SLCO3A1: variants seen among roughly 807,000 people sequenced by gnomAD.
SLCO3A1 encodes PGE1 transporter.
In SLCO3A1, 27 loss-of-function variants were observed where a neutral mutation model predicts 63.1. The observed-to-expected ratio is 0.43, with a 90% CI of 0.32 to 0.59. The LOEUF is 0.59. Among genes scored for constraint, SLCO3A1 ranks in the 20% least tolerant of loss-of-function variants. SLCO3A1 has a pLI of 0.09. For synonymous variants in SLCO3A1, 473 were observed against 409.9 expected, an observed-to-expected ratio of 1.15 and a Z score of -1.86; for missense variants, 773 against 945.8, an observed-to-expected ratio of 0.82 and a Z score of 2.40.
rs566934892 is a variant in SLCO3A1 at position 91,923,418 on chromosome 15, G to A, written c.646+6960G>A. Among the ~76,000 whole-genome samples the A allele has an allele frequency of 1.5e-4, 23 of 152,302 alleles. No individual in the cohort carries two copies. The South Asian group carries it at 1.7e-3, about 11-fold the overall frequency. On this transcript the variant is annotated intron_variant, in intron 2 of 9. Transcript: ENST00000318445. ...TTCAGTCCTGAATTAAACCAGCAGCGCTCTTCTTTTCCTGAAGACCCCCTC... is the reference window on the plus strand; with the variant it reads ...TTCAGTCCTGAATTAAACCAGCAGCACTCTTCTTTTCCTGAAGACCCCCTC...
In SLCO3A1 at chr15:91,954,714, G is replaced by C. The variant is rs1027060098; in HGVS notation, c.646+38256G>C. ...CTGTGGTTAGAGCCCAATGAGTGAG[G>C]GGGGTAAAGATGGGGAGAGGGGTTG... On this transcript the variant is annotated intron_variant, in intron 2 of 9. Coordinates refer to ENST00000318445, the MANE Select transcript of SLCO3A1 (RefSeq NM_013272.4). This position sits in a 1 kb window ranked among gnomAD's most constrained non-coding sequence, Gnocchi z 4.7. Among the ~76,000 whole-genome samples the C allele has an allele frequency of 6.6e-6, 1 of 152,040 alleles. No individual in the cohort carries two copies. The highest frequency in any genetic ancestry group is 1.9e-4 in the East Asian group (1 of 5,174).
At chr15:91,987,505 C>A (rs924689412) in intron 2 of SLCO3A1, among the ~76,000 whole-genome samples, 13 of 151,946 alleles carry the variant, frequency 8.6e-5, no homozygotes, top group African/African-American at 3.1e-4. Flanking sequence ...ACTTTGGGAG[C>A]CTGAGGCAGG....
chr15:92,025,620 A>T (rs1195251827), intron 2 of SLCO3A1, among the ~76,000 whole-genome samples: 3 of 152,194 alleles, frequency 2.0e-5, no homozygotes, highest in African/African-American at 7.2e-5. Context: ...ATCCTATTCC[A>T]CATGTGAGCA....
chr15:91,890,788 G>A (rs1010135832), intron 1 of SLCO3A1, among the ~76,000 whole-genome samples: 1 of 152,182 alleles, frequency 6.6e-6, no homozygotes, highest in Non-Finnish European at 1.5e-5. Flanking sequence ...GCCAATCCAG[G>A]TTGACCCTGG....
At chr15:91,979,109 T>G (rs2151434923) in intron 2 of SLCO3A1, among the ~76,000 whole-genome samples, 1 of 152,364 alleles carries the variant, frequency 6.6e-6, no homozygotes, top group Non-Finnish European at 1.5e-5. Flanking sequence ...TAATGCAGTT[T>G]TCATCATTAA....
intron 1 of SLCO3A1, among the ~76,000 whole-genome samples, chr15:91,887,518 A>G (rs1400477980): frequency 6.6e-6 from 1 of 152,110 alleles, no homozygotes; most frequent in Non-Finnish European, 1.5e-5. Context: ...GACCCAAACA[A>G]TGCTCATTTT....
In SLCO3A1 at chr15:91,853,774, G is replaced by A. The variant is rs1896836366; in HGVS notation, c.-135G>A. The A allele has an allele frequency of 2.1e-5, 19 of 894,364 alleles. No individual in the cohort carries two copies. Among genetic ancestry groups the A allele is most frequent in the Non-Finnish European group, 2.5e-5 (18 of 730,984 alleles). 55.4% of individuals were successfully genotyped at this position (894,364 alleles called of 1,614,324 possible). Reference sequence around the variant, plus strand: ...CCACCTCTCCAGCCCCGGCAGGACGGGGGCGGCCGCCGCGAACCCGGGGCG... The same window carrying A: ...CCACCTCTCCAGCCCCGGCAGGACGAGGGCGGCCGCCGCGAACCCGGGGCG... On this transcript the variant is annotated 5_prime_UTR_variant, in exon 1 of 10. Transcript: ENST00000318445.
At chr15:91,889,047 C>A (rs1897801909) in intron 1 of SLCO3A1, 20 of 632,118 alleles carry the variant, frequency 3.2e-5, no homozygotes, top group East Asian at 1.1e-4. Flanking sequence ...AAAAAAAAAC[C>A]TACAATTATT....
At chr15:92,003,320 C>T (rs982683611) in intron 2 of SLCO3A1, among the ~76,000 whole-genome samples, 9 of 152,232 alleles carry the variant, frequency 5.9e-5, no homozygotes, top group African/African-American at 2.2e-4. Flanking sequence ...AAATGACTTA[C>T]ACATGTCCTG....
At chr15:92,092,974 G>A (rs1596093702) in intron 2 of SLCO3A1, among the ~76,000 whole-genome samples, 2 of 152,118 alleles carry the variant, frequency 1.3e-5, no homozygotes, top group East Asian at 1.9e-4. Flanking sequence ...AGATTTCTTC[G>A]CATCCAAGTA....
At position 91,885,436 on chromosome 15, in the gene SLCO3A1, A is replaced by G. The variant is rs1385260459; in HGVS notation, c.181-30557A>G. On this transcript the variant is annotated intron_variant, in intron 1 of 9. Transcript: ENST00000318445. This position sits in a 1 kb window ranked among gnomAD's most constrained non-coding sequence, Gnocchi z 4.7. ...CTGCCCTAGCTCCTGTGTTTCAGGA[A>G]GAAGCCGGGCAGATGCCTCTTTGTT... is the stretch of plus-strand genomic sequence containing the variant. Among the ~76,000 whole-genome samples the G allele has an allele frequency of 6.6e-6, 1 of 152,214 alleles. No homozygotes were observed. Among genetic ancestry groups the G allele is most frequent in the Non-Finnish European group, 1.5e-5 (1 of 68,040 alleles).
At chr15:92,168,053 G>A (rs554645293), downstream of SLCO3A1, among the ~76,000 whole-genome samples, 1 of 152,334 alleles carries the variant, frequency 6.6e-6, no homozygotes, top group African/African-American at 2.4e-5. Context: ...AGATGCAAAA[G>A]TGGAAAAGTT....
At chr15:91,945,805 G>A (rs369118310) in intron 2 of SLCO3A1, among the ~76,000 whole-genome samples, 2 of 152,348 alleles carry the variant, frequency 1.3e-5, no homozygotes, top group African/African-American at 2.4e-5. Flanking sequence ...GGCGACTGAA[G>A]ATAACATGTC....
Position 91,950,053 on chromosome 15 carries a change from G to A in SLCO3A1, c.646+33595G>A, listed in dbSNP as rs565599282. Among the ~76,000 whole-genome samples the A allele has an allele frequency of 9.2e-5, 14 of 152,222 alleles. No individual in the cohort carries two copies. Among genetic ancestry groups the A allele is most frequent in the Middle Eastern group, 3.4e-3 (1 of 294 alleles). On this transcript the variant is annotated intron_variant, in intron 2 of 9. Transcript: ENST00000318445. The surrounding 1 kb of genome is among the most constrained non-coding windows in gnomAD (Gnocchi z 4.4). ...AGGCAGACTGTGATGGATTCTATAC[G>A]GAAGAGATAAATGCCCTGCTGTGGA...
chr15:92,034,889 C>T (rs534731968), intron 2 of SLCO3A1, among the ~76,000 whole-genome samples: 3 of 152,080 alleles, frequency 2.0e-5, no homozygotes, highest in East Asian at 3.9e-4. Flanking sequence ...AACTGTCATT[C>T]GCTGATTTCC....
At chr15:91,995,867 T>C (rs891362007) in intron 2 of SLCO3A1, among the ~76,000 whole-genome samples, 5 of 151,888 alleles carry the variant, frequency 3.3e-5, no homozygotes, top group African/African-American at 1.2e-4. Flanking sequence ...AATTTAGACA[T>C]AGAAGGTAAC....
intron 2 of SLCO3A1, among the ~76,000 whole-genome samples, chr15:92,066,417 A>G (rs1255158726): frequency 6.6e-6 from 1 of 152,252 alleles, no homozygotes; most frequent in Non-Finnish European, 1.5e-5. Context: ...ATATGCATCC[A>G]TAGGGTCTGG....
intron 1 of SLCO3A1, among the ~76,000 whole-genome samples, chr15:91,903,121 C>T (rs1479017000): frequency 6.6e-6 from 1 of 152,178 alleles, no homozygotes; most frequent in African/African-American, 2.4e-5. Context: ...CGCACGTAGT[C>T]AGCTCATTGG....
intron 2 of SLCO3A1, among the ~76,000 whole-genome samples, chr15:92,020,483 C>A (rs186719829): frequency 5.3e-4 from 81 of 152,312 alleles, no homozygotes; most frequent in African/African-American, 1.9e-3. Flanking sequence ...AAAATACATC[C>A]CAGGTTTTTG....
Sources: gnomAD v4.1 joint callset for allele counts (sites outside exome capture counted in the v4.1 genomes callset) on GRCh38, gnomAD v4.1.1 for gene constraint, Gnocchi (gnomAD v3.1) non-coding constraint, MANE v1.5 for transcripts, NCBI Gene and HGNC (gene_info 2026-07-23, HGNC 2026-07-21) for gene names.